The following LRATD1 variants were observed in gnomAD, a reference collection of about 807,000 sequenced individuals.
LRATD1 encodes protein LRATD1.
LRATD1 carries 8 observed loss-of-function variants against 21.3 expected under a neutral mutation model. The observed-to-expected ratio is 0.38, with a 90% CI of 0.22 to 0.68. The LOEUF (loss-of-function observed/expected upper bound fraction) is 0.68, where lower values mean the gene tolerates loss of function less well. LRATD1 is among the 30% of genes least tolerant of loss of function. The pLI is 0.54. For missense variants in LRATD1, 380 were observed against 404.0 expected (o/e 0.94, Z 0.51); for synonymous variants, 210 against 186.2 (o/e 1.13, Z -1.04).
rs767744002 is a variant in LRATD1, at chr2:14,634,805, G to T, written c.826G>T (p.Gly276Cys). The T allele has an allele frequency of 3.1e-6, 5 of 1,607,140 alleles. No individual in the cohort carries two copies. Among genetic ancestry groups the T allele is most frequent in the Non-Finnish European group, 4.3e-6 (5 of 1,175,984 alleles). The change falls in exon 2 of 2, where the codon GGC becomes TGC. Residue 276 changes from glycine (G) to cysteine (C), a missense_variant. Gly to Cys is a radical substitution (Grantham distance 159). Coordinates refer to ENST00000295092, the MANE Select transcript of LRATD1 (RefSeq NM_145175.4). ...IREKRRIDAS[G>C]RLRVLQELAD... Reference sequence around the variant, plus strand: ...CGAGAAGCGCCGTATCGACGCCAGCGGCCGCCTGCGAGTGCTCCAGGAGCT... The same window carrying T: ...CGAGAAGCGCCGTATCGACGCCAGCTGCCGCCTGCGAGTGCTCCAGGAGCT...
downstream of LRATD1, among the ~76,000 whole-genome samples, chr2:14,642,526 G>A (rs533777909): frequency 3.2e-4 from 48 of 152,238 alleles, no homozygotes; most frequent in South Asian, 2.1e-3. Context: ...TAGACTGCCC[G>A]AGATGTTCAG....
chr2:14,649,493 G>A lies in LRATD1; in HGVS notation n.574+40G>A, dbSNP rs528313620. The A allele has an allele frequency of 3.5e-5, 14 of 395,638 alleles. No individual in the cohort carries two copies. The East Asian group carries it at 4.3e-4, about 12-fold the overall frequency. 24.5% of individuals were successfully genotyped at this position (395,638 alleles called of 1,614,324 possible). On this transcript the variant is annotated intron_variant and non_coding_transcript_variant, in intron 5 of 5. Transcript: ENST00000464947. ...AATTCCTCTGCCTAGAAGCTCTGCCGGGTGAAATATCAGGAGATCCCACCC... is the reference window on the plus strand; with the variant it reads ...AATTCCTCTGCCTAGAAGCTCTGCCAGGTGAAATATCAGGAGATCCCACCC...
At chr2:14,641,738 G>C (rs1671808379), downstream of LRATD1, among the ~76,000 whole-genome samples, 1 of 152,118 alleles carries the variant, frequency 6.6e-6, no homozygotes, top group South Asian at 2.1e-4. Flanking sequence ...ACTTTTTGTA[G>C]AACACGTAGT....
At chr2:14,648,944 G>A (rs528240776) in intron 4 of LRATD1, among the ~76,000 whole-genome samples, 1 of 152,272 alleles carries the variant, frequency 6.6e-6, no homozygotes, top group East Asian at 1.9e-4. Context: ...ACTGGGTAAA[G>A]TCAGGCCAGT....
Position 14,634,888 on chromosome 2 carries a change from C to CCCCCGCACCTCGCTCCCTTCCCTT in LRATD1, c.*40_*63dup. On this transcript the variant is annotated 3_prime_UTR_variant, in exon 2 of 2. Transcript: ENST00000295092. ...CTAGGGGCTGCCGGCCCCTCTGCCT[C>CCCCCGCACCTCGCTCCCTTCCCTT]CCCCGCACCTCGCTCCCTTCCCTTC... 6.3e-7 allele frequency: 1 copy of CCCCCGCACCTCGCTCCCTTCCCTT among 1,592,544 alleles called. No individual in the cohort carries two copies. Among genetic ancestry groups the CCCCCGCACCTCGCTCCCTTCCCTT allele is most frequent in the Non-Finnish European group, 8.6e-7 (1 of 1,167,698 alleles).
At position 14,634,812 on chromosome 2, in the gene LRATD1, T is replaced by C. The variant is rs1434123777; in HGVS notation, c.833T>C (p.Leu278Pro). ...CGCCGTATCGACGCCAGCGGCCGCC[T>C]GCGAGTGCTCCAGGAGCTCGCCGAC... is the stretch of plus-strand genomic sequence containing the variant. ...EKRRIDASGR[L>P]RVLQELADLV... The change falls in exon 2 of 2, where the codon CTG (leucine) becomes CCG (proline). Residue 278 changes from leucine (L) to proline (P), a missense_variant. Coordinates refer to ENST00000295092, the MANE Select transcript of LRATD1 (RefSeq NM_145175.4). 38 of 1,607,906 alleles carry C rather than the reference T, an allele frequency of 2.4e-5. No individual in the cohort carries two copies. The highest frequency in any genetic ancestry group is 3.1e-5 in the Non-Finnish European group (37 of 1,176,360).
Position 14,635,066 on chromosome 2 carries a change from C to T in LRATD1, c.*208C>T, listed in dbSNP as rs1431132430. 1.3e-6 allele frequency: 1 copy of T among 776,206 alleles called. No individual in the cohort carries two copies. The highest frequency in any genetic ancestry group is 2.2e-6 in the Non-Finnish European group (1 of 448,190). The allele number at this position is 776,206 out of a possible 1,614,324, so 48.1% of individuals were successfully genotyped here. On this transcript the variant is annotated 3_prime_UTR_variant, in exon 2 of 2. Coordinates refer to ENST00000295092, the MANE Select transcript of LRATD1 (RefSeq NM_145175.4). ...AACTGCCCCAGGGCCGAAAGGGCGC[C>T]GCTGCGAGCGCCTGGCTGACAGCCA...
rs1671738574 is a variant in LRATD1, at chr2:14,638,375, G to A, written c.*3517G>A. ...TATATTATAGTTACGAAACACTTGT[G>A]CCAGATTAGAACATCAAGCACAGAA... On this transcript the variant is annotated 3_prime_UTR_variant, in exon 2 of 2. Coordinates refer to ENST00000295092, the MANE Select transcript of LRATD1 (RefSeq NM_145175.4). 1 of 166,898 alleles carries A rather than the reference G, an allele frequency of 6.0e-6. No individual in the cohort carries two copies. The highest frequency in any genetic ancestry group is 2.1e-4 in the South Asian group (1 of 4,832). The allele number at this position is 166,898 out of a possible 1,614,324, so 10.3% of individuals were successfully genotyped here. A position where few individuals can be genotyped will look rare whatever the true frequency, so the allele number is the denominator to read the frequency against.
At chr2:14,648,958 T>G (rs1414166519) in intron 4 of LRATD1, among the ~76,000 whole-genome samples, 6 of 152,192 alleles carry the variant, frequency 3.9e-5, no homozygotes, top group Admixed American at 1.3e-4. Flanking sequence ...GGCCAGTTCA[T>G]TAATGTTTCT....
rs770856413 is a variant in LRATD1, at chr2:14,634,021, C to A, written c.42C>A (p.Ser14Arg). The A allele has an allele frequency of 6.2e-7, 1 of 1,614,024 alleles. No individual in the cohort carries two copies. The highest frequency in any genetic ancestry group is 8.5e-7 in the Non-Finnish European group (1 of 1,180,000). ...QLDRITHLNY[S>R]ELPTGDPSGI... is the part of the protein sequence containing the mutation. ...ACCGCATCACCCACCTCAACTACAG[C>A]GAGTTGCCCACAGGGGACCCGTCGG... is the stretch of plus-strand genomic sequence containing the variant. The change falls in exon 2 of 2, where the codon AGC becomes AGA. Residue 14 changes from serine (S) to arginine (R), a missense_variant. By Grantham distance (110) the Ser-to-Arg change is moderately radical (BLOSUM62 -1). Transcript: ENST00000295092.
At position 14,636,820 on chromosome 2, in the gene LRATD1, T is replaced by G. The variant is rs1224003986; in HGVS notation, c.*1962T>G. ...GTTAGCTGAGGCTGGAAATGCCTTT[T>G]TCATGGTAAATGATTCACTTCTATA... On this transcript the variant is annotated 3_prime_UTR_variant, in exon 2 of 2. Coordinates refer to ENST00000295092, the MANE Select transcript of LRATD1 (RefSeq NM_145175.4). The G allele has an allele frequency of 1.2e-5, 2 of 167,166 alleles. No homozygotes were observed. Among genetic ancestry groups the G allele is most frequent in the African/African-American group, 4.8e-5 (2 of 41,490 alleles). 10.4% of individuals were successfully genotyped at this position (167,166 alleles called of 1,614,324 possible). A position where few individuals can be genotyped will look rare whatever the true frequency, so the allele number is the denominator to read the frequency against.
Position 14,633,699 on chromosome 2 carries a change from G to C in LRATD1, c.-36-245G>C, listed in dbSNP as rs943594083. 3 of 443,496 alleles carry C rather than the reference G, an allele frequency of 6.8e-6. No homozygotes were observed. The highest frequency in any genetic ancestry group is 1.2e-5 in the Non-Finnish European group (3 of 246,340). 27.5% of individuals were successfully genotyped at this position (443,496 alleles called of 1,614,324 possible). A position where few individuals can be genotyped will look rare whatever the true frequency, so the allele number is the denominator to read the frequency against. ...CCAGCCTGGGTGTTTTCTTCTGGGA[G>C]TTGGACCGAGTTCCCGGAAGGGGTC... On this transcript the variant is annotated intron_variant, in intron 1 of 1. Transcript: ENST00000295092. This position sits in a 1 kb window ranked among gnomAD's most constrained non-coding sequence, Gnocchi z 7.5.
chr2:14,640,958 C>T (rs191666641), downstream of LRATD1, among the ~76,000 whole-genome samples: 11 of 152,274 alleles, frequency 7.2e-5, no homozygotes, highest in East Asian at 2.1e-3. Context: ...TGCTCAGTTA[C>T]ATTTGAATTT....
At chr2:14,651,849 C>G (rs905301686), downstream of LRATD1, among the ~76,000 whole-genome samples, 1 of 151,594 alleles carries the variant, frequency 6.6e-6, no homozygotes, top group African/African-American at 2.4e-5. Context: ...TCATAGATTT[C>G]TTTGTTATAT....
chr2:14,649,077 A>G lies in LRATD1; in HGVS notation n.437-239A>G, dbSNP rs1671948281. ...CTTCAAAGAGTCAATTTACAACTTC[A>G]TTAAAAGTCCTGGGACTTGCCTCTC... On this transcript the variant is annotated intron_variant and non_coding_transcript_variant, in intron 4 of 5. Coordinates refer to the LRATD1 transcript ENST00000464947. Among the ~76,000 whole-genome samples the G allele has an allele frequency of 3.9e-5, 6 of 152,214 alleles. No homozygotes were observed. In the South Asian group the frequency reaches 1.2e-3, roughly 32 times the overall value.
Position 14,635,421 on chromosome 2 carries a change from G to T in LRATD1, c.*563G>T, listed in dbSNP as rs1478507941. 2.1e-6 allele frequency: 1 copy of T among 471,502 alleles called. No homozygotes were observed. The highest frequency in any genetic ancestry group is 1.5e-5 in the South Asian group (1 of 64,574). The allele number at this position is 471,502 out of a possible 1,614,324, so 29.2% of individuals were successfully genotyped here. A position where few individuals can be genotyped will look rare whatever the true frequency, so the allele number is the denominator to read the frequency against. On this transcript the variant is annotated 3_prime_UTR_variant, in exon 2 of 2. Transcript: ENST00000295092. ...ATAATTCCCCAAGACAGCACTTCGGGATTCCGGGTTATCCTGAGGCTGCCC... is the reference window on the plus strand; with the variant it reads ...ATAATTCCCCAAGACAGCACTTCGGTATTCCGGGTTATCCTGAGGCTGCCC...
At chr2:14,649,584 C>G (rs1015211539) in exon 6 of LRATD1, 2 of 328,676 alleles carry the variant, frequency 6.1e-6, no homozygotes, top group Admixed American at 7.7e-5. Flanking sequence ...AGTTGGCCAG[C>G]CTCTTGTCCT....
At position 14,633,932 on chromosome 2, in the gene LRATD1, G is replaced by A; in HGVS notation, c.-36-12G>A. ...ACTCTGACGGTGTCTCTGCCTCTCTGTGCCTCCGCAGATCCCCGCTCCTGG... is the reference window on the plus strand; with the variant it reads ...ACTCTGACGGTGTCTCTGCCTCTCTATGCCTCCGCAGATCCCCGCTCCTGG... On this transcript the variant is annotated splice_polypyrimidine_tract_variant and intron_variant, in intron 1 of 1. Coordinates refer to ENST00000295092, the MANE Select transcript of LRATD1 (RefSeq NM_145175.4). This position sits in a 1 kb window ranked among gnomAD's most constrained non-coding sequence, Gnocchi z 7.5. 1.3e-6 allele frequency: 2 copies of A among 1,576,062 alleles called. No individual in the cohort carries two copies. The highest frequency in any genetic ancestry group is 1.7e-6 in the Non-Finnish European group (2 of 1,157,876).
At chr2:14,648,075 T>C (rs187405412) in intron 4 of LRATD1, among the ~76,000 whole-genome samples, 4 of 152,300 alleles carry the variant, frequency 2.6e-5, no homozygotes, top group African/African-American at 9.6e-5. Context: ...CTGTTGTATA[T>C]TGGAGGAAGG....
Sources: gnomAD v4.1 joint callset for allele counts (sites outside exome capture counted in the v4.1 genomes callset) on GRCh38, gnomAD v4.1.1 for gene constraint, Gnocchi (gnomAD v3.1) non-coding constraint, MANE v1.5 for transcripts, NCBI Gene and HGNC (gene_info 2026-07-23, HGNC 2026-07-21) for gene names.